The following FEM1B variants were observed in gnomAD, a reference collection of about 807,000 sequenced individuals.
FEM1B encodes fem-1 homolog B.
FEM1B carries 10 observed loss-of-function variants against 38.6 expected under a neutral mutation model. The observed-to-expected ratio is 0.26, with a 90% CI of 0.16 to 0.44. The LOEUF (loss-of-function observed/expected upper bound fraction) is 0.44. FEM1B is among the 20% of genes least tolerant of loss of function. FEM1B has a pLI of 1.00. For missense variants in FEM1B, 471 were observed against 786.7 expected (o/e 0.60, Z 4.80); for synonymous variants, 288 against 288.0 (o/e 1.00, Z 0.00).
At chr15:68,283,331 A>G (rs1175906181) in intron 1 of FEM1B, among the ~76,000 whole-genome samples, 3 of 151,920 alleles carry the variant, frequency 2.0e-5, no homozygotes, top group Non-Finnish European at 2.9e-5. Flanking sequence ...AGTTTGAAGT[A>G]GTTTAGATTC....
rs1892680320 is a variant in FEM1B, at chr15:68,278,107, C to G, written c.-311C>G. 3 of 298,718 alleles carry G rather than the reference C, an allele frequency of 1.0e-5. No individual in the cohort carries two copies. The Admixed American group carries it at 1.7e-4, about 17-fold the overall frequency. 18.5% of individuals were successfully genotyped at this position (298,718 alleles called of 1,614,324 possible). A position where few individuals can be genotyped will look rare whatever the true frequency, so the allele number is the denominator to read the frequency against. On this transcript the variant is annotated 5_prime_UTR_variant, in exon 1 of 2. Coordinates refer to ENST00000306917, the MANE Select transcript of FEM1B (RefSeq NM_015322.5). The surrounding 1 kb of genome is among the most constrained non-coding windows in gnomAD (Gnocchi z 5.7). Reference sequence around the variant, plus strand: ...ATCCCGCAGGAAGGAGGGGTCCGGCCTGAGGCCCGGGGCGGCGTCCGCCAT... The same window carrying G: ...ATCCCGCAGGAAGGAGGGGTCCGGCGTGAGGCCCGGGGCGGCGTCCGCCAT...
Position 68,290,419 on chromosome 15 carries a change from A to C in FEM1B, c.1061A>C (p.Tyr354Ser). 1 of 1,614,160 alleles carries C rather than the reference A, an allele frequency of 6.2e-7. No individual in the cohort carries two copies. Among genetic ancestry groups the C allele is most frequent in the Non-Finnish European group, 8.5e-7 (1 of 1,179,998 alleles). The change falls in exon 2 of 2, where the codon TAT becomes TCT. Residue 354 changes from tyrosine (Y) to serine (S), a missense_variant. Physicochemically the swap from Tyr to Ser is moderately radical, Grantham distance 144 (BLOSUM62 -2). Coordinates refer to ENST00000306917, the MANE Select transcript of FEM1B (RefSeq NM_015322.5). This position sits in a 1 kb window ranked among gnomAD's most constrained non-coding sequence, Gnocchi z 9.7. ...SHPIIYRGAV[Y>S]ADNMEFEQCI... ...CCCATCATTTACAGAGGAGCTGTTT[A>C]TGCGGATAATATGGAATTTGAGCAG...
rs564060731 is a variant in FEM1B at position 68,287,125 on chromosome 15, C to T, written c.249-2482C>T. 1.5e-4 allele frequency among the ~76,000 whole-genome samples: 23 copies of T among 152,218 alleles called. No homozygotes were observed. The East Asian group carries it at 1.7e-3, about 12-fold the overall frequency. On this transcript the variant is annotated intron_variant, in intron 1 of 1. Coordinates refer to ENST00000306917, the MANE Select transcript of FEM1B (RefSeq NM_015322.5). ...AGGTTGGTCTCGAACTCCTGACCTC[C>T]GGTGATCCGCCTGCTTTGGCCTCCC...
Position 68,288,110 on chromosome 15 carries a change from G to A in FEM1B, c.249-1497G>A, listed in dbSNP as rs573339987. Among the ~76,000 whole-genome samples the A allele has an allele frequency of 4.6e-5, 7 of 152,188 alleles. No individual in the cohort carries two copies. The highest frequency in any genetic ancestry group is 1.9e-4 in the East Asian group (1 of 5,192). On this transcript the variant is annotated intron_variant, in intron 1 of 1. Transcript: ENST00000306917. The surrounding 1 kb of genome is among the most constrained non-coding windows in gnomAD (Gnocchi z 4.6). Reference sequence around the variant, plus strand: ...CTCCCAAAGTACTGAGATGATAGGCGTGAGCCACCATGCCAGGCCTAACGC... The same window carrying A: ...CTCCCAAAGTACTGAGATGATAGGCATGAGCCACCATGCCAGGCCTAACGC...
At position 68,291,580 on chromosome 15, in the gene FEM1B, T is replaced by TA. The variant is rs1892848556; in HGVS notation, c.*339dup. 1 of 229,268 alleles carries TA rather than the reference T, an allele frequency of 4.4e-6. No homozygotes were observed. The highest frequency in any genetic ancestry group is 5.2e-5 in the Admixed American group (1 of 19,336). The allele number at this position is 229,268 out of a possible 1,614,324, so 14.2% of individuals were successfully genotyped here. On this transcript the variant is annotated 3_prime_UTR_variant, in exon 2 of 2. Transcript: ENST00000306917. The surrounding 1 kb of genome is among the most constrained non-coding windows in gnomAD (Gnocchi z 6.9). Reference sequence around the variant, plus strand: ...GTTGATAATGTTTTAAACAGCTGCTTACAAAAGTATTTCTGTTAAGCCTAT... The same window carrying TA: ...GTTGATAATGTTTTAAACAGCTGCTTAACAAAAGTATTTCTGTTAAGCCTAT...
rs574613745 is a variant in FEM1B at position 68,280,379 on chromosome 15, CTT to C, written c.248+1717_248+1718del. ...GATATGCAGAGATGAATAACATACT[CTT>C]TTGTCTTGGAGGATGTCAGTCTGGG... On this transcript the variant is annotated intron_variant, in intron 1 of 1. Coordinates refer to ENST00000306917, the MANE Select transcript of FEM1B (RefSeq NM_015322.5). The surrounding 1 kb of genome is among the most constrained non-coding windows in gnomAD (Gnocchi z 4.2). 2 of 152,158 alleles carry C rather than the reference CTT, an allele frequency of 1.3e-5. No individual in the cohort carries two copies. Among genetic ancestry groups the C allele is most frequent in the Non-Finnish European group, 2.9e-5 (2 of 68,062 alleles). 9.4% of individuals were successfully genotyped at this position (152,158 alleles called of 1,614,324 possible).
rs1355906451 is a variant in FEM1B, at chr15:68,280,898, T to C, written c.248+2233T>C. 2.6e-5 allele frequency among the ~76,000 whole-genome samples: 4 copies of C among 152,246 alleles called. No individual in the cohort carries two copies. The highest frequency in any genetic ancestry group is 9.6e-5 in the African/African-American group (4 of 41,462). Reference sequence around the variant, plus strand: ...AATAGTCCTTATTAAATGCTTGTGATGGGCCTAGCCTGTGTCATGTTCTGG... The same window carrying C: ...AATAGTCCTTATTAAATGCTTGTGACGGGCCTAGCCTGTGTCATGTTCTGG... On this transcript the variant is annotated intron_variant, in intron 1 of 1. Coordinates refer to ENST00000306917, the MANE Select transcript of FEM1B (RefSeq NM_015322.5). This position sits in a 1 kb window ranked among gnomAD's most constrained non-coding sequence, Gnocchi z 4.2.
Position 68,278,356 on chromosome 15 carries a change from T to C in FEM1B, c.-62T>C, listed in dbSNP as rs1406889594. 61 of 1,556,548 alleles carry C rather than the reference T, an allele frequency of 3.9e-5. No homozygotes were observed. Among genetic ancestry groups the C allele is most frequent in the Non-Finnish European group, 3.9e-5 (45 of 1,150,574 alleles). On this transcript the variant is annotated 5_prime_UTR_variant, in exon 1 of 2. Transcript: ENST00000306917. The surrounding 1 kb of genome is among the most constrained non-coding windows in gnomAD (Gnocchi z 5.7). ...GTTTAAAGCGCTGGCGAACGCGGCC[T>C]CCGGGGGCGCACGGCAGCTGCAGCG...
rs1892758761 is a variant in FEM1B at position 68,284,199 on chromosome 15, T to C, written c.249-5408T>C. Among the ~76,000 whole-genome samples the C allele has an allele frequency of 6.6e-6, 1 of 152,150 alleles. No individual in the cohort carries two copies. Among genetic ancestry groups the C allele is most frequent in the Non-Finnish European group, 1.5e-5 (1 of 68,038 alleles). On this transcript the variant is annotated intron_variant, in intron 1 of 1. Transcript: ENST00000306917. This position sits in a 1 kb window ranked among gnomAD's most constrained non-coding sequence, Gnocchi z 4.4. ...TGTGCCCAGCCCTCATATAAACTTT[T>C]TAGTTATTTATCTGCATAATAGTTA...
Position 68,281,649 on chromosome 15 carries a change from GCT to G in FEM1B, c.248+2987_248+2988del, listed in dbSNP as rs1325059694. On this transcript the variant is annotated intron_variant, in intron 1 of 1. Coordinates refer to ENST00000306917, the MANE Select transcript of FEM1B (RefSeq NM_015322.5). The surrounding 1 kb of genome is among the most constrained non-coding windows in gnomAD (Gnocchi z 5.1). ...CTTTTTTTTTTTGAGACGGAGTCTCGCTCTGTCGCCGGGGCTGGAGTGCAGTG... is the reference window on the plus strand; with the variant it reads ...CTTTTTTTTTTTGAGACGGAGTCTCGCTGTCGCCGGGGCTGGAGTGCAGTG... 6.6e-6 allele frequency among the ~76,000 whole-genome samples: 1 copy of G among 151,818 alleles called. No homozygotes were observed. Among genetic ancestry groups the G allele is most frequent in the African/African-American group, 2.4e-5 (1 of 41,252 alleles).
chr15:68,280,294 G>A lies in FEM1B; in HGVS notation c.248+1629G>A, dbSNP rs764071267. ...CTGTACTGGCCAGAGAAATTAATGAGTTCGGTAAGTAAACATTTATTGAAC... is the reference window on the plus strand; with the variant it reads ...CTGTACTGGCCAGAGAAATTAATGAATTCGGTAAGTAAACATTTATTGAAC... On this transcript the variant is annotated intron_variant, in intron 1 of 1. Coordinates refer to ENST00000306917, the MANE Select transcript of FEM1B (RefSeq NM_015322.5). The surrounding 1 kb of genome is among the most constrained non-coding windows in gnomAD (Gnocchi z 4.2). The A allele has an allele frequency of 6.6e-5, 10 of 152,182 alleles. No individual in the cohort carries two copies. The highest frequency in any genetic ancestry group is 1.3e-4 in the Admixed American group (2 of 15,274). 9.4% of individuals were successfully genotyped at this position (152,182 alleles called of 1,614,324 possible). A position where few individuals can be genotyped will look rare whatever the true frequency, so the allele number is the denominator to read the frequency against.
At position 68,294,518 on chromosome 15, in the gene FEM1B, A is replaced by AGAG. The variant is rs1892882751; in HGVS notation, c.*3277_*3279dup. The AGAG allele has an allele frequency of 6.6e-6, 1 of 152,200 alleles. No homozygotes were observed. The allele number at this position is 152,200 out of a possible 1,614,324, so 9.4% of individuals were successfully genotyped here. On this transcript the variant is annotated 3_prime_UTR_variant, in exon 2 of 2. Transcript: ENST00000306917. The surrounding 1 kb of genome is among the most constrained non-coding windows in gnomAD (Gnocchi z 4.4). ...ATTTCAAGTGAGCAACACCCTGTTA[A>AGAG]GAGTTTTCACTATAGTTGAGGCAGC... is the stretch of plus-strand genomic sequence containing the variant.
chr15:68,291,350 C>A lies in FEM1B; in HGVS notation c.*108C>A. ...AAATTCTGCTTTTCTTTCCACTACCCTTCCTCCCATCCCATCCTTCCTTAG... is the reference window on the plus strand; with the variant it reads ...AAATTCTGCTTTTCTTTCCACTACCATTCCTCCCATCCCATCCTTCCTTAG... On this transcript the variant is annotated 3_prime_UTR_variant, in exon 2 of 2. Transcript: ENST00000306917. The surrounding 1 kb of genome is among the most constrained non-coding windows in gnomAD (Gnocchi z 6.9). 2 of 781,286 alleles carry A rather than the reference C, an allele frequency of 2.6e-6. No homozygotes were observed. The highest frequency in any genetic ancestry group is 1.9e-5 in the South Asian group (1 of 52,126). The allele number at this position is 781,286 out of a possible 1,614,324, so 48.4% of individuals were successfully genotyped here.
At position 68,291,183 on chromosome 15, in the gene FEM1B, G is replaced by T; in HGVS notation, c.1825G>T (p.Asp609Tyr). Reference protein sequence around the residue: ...CLAARAVRANDINYQDQIPRT... With the variant: ...CLAARAVRANYINYQDQIPRT... ...GGCTGCCCGAGCAGTTCGGGCTAAT[G>T]ACATTAACTACCAAGACCAGATCCC... The change falls in exon 2 of 2, where the codon GAC (aspartate) becomes TAC (tyrosine). Residue 609 changes from aspartate to tyrosine, a missense_variant. By Grantham distance (160) the Asp-to-Tyr change is radical. Transcript: ENST00000306917. This position sits in a 1 kb window ranked among gnomAD's most constrained non-coding sequence, Gnocchi z 6.9. 1 of 1,613,718 alleles carries T rather than the reference G, an allele frequency of 6.2e-7. No homozygotes were observed. The highest frequency in any genetic ancestry group is 8.5e-7 in the Non-Finnish European group (1 of 1,179,880).
rs1405288570 is a variant in FEM1B, at chr15:68,277,881, T to A, written c.-537T>A. ...CGGGGCCGTTGGCAGCGCCTGGCAC[T>A]TCTGAGCTCGGCGGACGAGAGCCTG... On this transcript the variant is annotated 5_prime_UTR_variant, in exon 1 of 2. Transcript: ENST00000306917. 6.6e-6 allele frequency: 1 copy of A among 152,588 alleles called. No homozygotes were observed. Among genetic ancestry groups the A allele is most frequent in the Non-Finnish European group, 1.5e-5 (1 of 68,236 alleles). 9.5% of individuals were successfully genotyped at this position (152,588 alleles called of 1,614,324 possible). A position where few individuals can be genotyped will look rare whatever the true frequency, so the allele number is the denominator to read the frequency against.
In FEM1B at chr15:68,280,753, A is replaced by G. The variant is rs1892717111; in HGVS notation, c.248+2088A>G. 6.6e-6 allele frequency among the ~76,000 whole-genome samples: 1 copy of G among 152,216 alleles called. No individual in the cohort carries two copies. The highest frequency in any genetic ancestry group is 2.4e-5 in the African/African-American group (1 of 41,458). On this transcript the variant is annotated intron_variant, in intron 1 of 1. Coordinates refer to ENST00000306917, the MANE Select transcript of FEM1B (RefSeq NM_015322.5). This position sits in a 1 kb window ranked among gnomAD's most constrained non-coding sequence, Gnocchi z 4.2. ...GATCCCTGTATAAAGTACTAAGAGTAAGACTGGTTAAACTGCAATCTCAAA... is the reference window on the plus strand; with the variant it reads ...GATCCCTGTATAAAGTACTAAGAGTGAGACTGGTTAAACTGCAATCTCAAA...
rs981761971 is a variant in FEM1B at position 68,289,104 on chromosome 15, A to G, written c.249-503A>G. Among the ~76,000 whole-genome samples the G allele has an allele frequency of 5.3e-5, 8 of 152,210 alleles. No homozygotes were observed. Among genetic ancestry groups the G allele is most frequent in the African/African-American group, 1.9e-4 (8 of 41,442 alleles). On this transcript the variant is annotated intron_variant, in intron 1 of 1. Transcript: ENST00000306917. This position sits in a 1 kb window ranked among gnomAD's most constrained non-coding sequence, Gnocchi z 6.9. ...TCTCATTGCTGTAGTATAGTACTCA[A>G]TTAGCTTAGGGGAAACTTACCTGCT... is the stretch of plus-strand genomic sequence containing the variant.
chr15:68,290,018 G>A lies in FEM1B; in HGVS notation c.660G>A (p.Met220Ile). 1 of 1,614,232 alleles carries A rather than the reference G, an allele frequency of 6.2e-7. No homozygotes were observed. ...RAAIVVNGHGMTPLKVAAESC... is the reference protein window; with the variant it reads ...RAAIVVNGHGITPLKVAAESC... ...CTATAGTAGTGAATGGCCATGGGAT[G>A]ACGCCATTGAAAGTAGCTGCCGAAA... The change falls in exon 2 of 2, where the codon ATG (methionine) becomes ATA (isoleucine). Residue 220 changes from methionine to isoleucine, a missense_variant. Met to Ile is a conservative substitution (Grantham distance 10). Transcript: ENST00000306917. The surrounding 1 kb of genome is among the most constrained non-coding windows in gnomAD (Gnocchi z 9.7).
chr15:68,289,456 C>A lies in FEM1B; in HGVS notation c.249-151C>A. ...GTACAAGTACTATGCAAAGTGCTTT[C>A]CTTAAATTACCTGTTTTTATTTTCA... is the stretch of plus-strand genomic sequence containing the variant. On this transcript the variant is annotated intron_variant, in intron 1 of 1. Coordinates refer to ENST00000306917, the MANE Select transcript of FEM1B (RefSeq NM_015322.5). The surrounding 1 kb of genome is among the most constrained non-coding windows in gnomAD (Gnocchi z 6.9). 1.6e-6 allele frequency: 1 copy of A among 623,230 alleles called. No individual in the cohort carries two copies. Among genetic ancestry groups the A allele is most frequent in the South Asian group, 2.0e-5 (1 of 50,166 alleles). The allele number at this position is 623,230 out of a possible 1,614,324, so 38.6% of individuals were successfully genotyped here.
Sources: allele counts gnomAD v4.1 joint callset (sites outside exome capture counted in the v4.1 genomes callset), GRCh38; gene constraint gnomAD v4.1.1; non-coding constraint Gnocchi (gnomAD v3.1); transcripts MANE v1.5; gene names NCBI Gene and HGNC (gene_info 2026-07-23, HGNC 2026-07-21).